Variants in ABL1 observed in about 807,000 individuals in gnomAD.
The protein encoded by ABL1 is ABL proto-oncogene 1, non-receptor tyrosine kinase, also known as tyrosine-protein kinase ABL1.
ABL1 carries 11 observed loss-of-function variants against 94.7 expected under a neutral mutation model. That is an observed-to-expected ratio of 0.12 (90% confidence interval 0.07 to 0.19). The LOEUF (loss-of-function observed/expected upper bound fraction) is 0.19. Among genes scored for constraint, ABL1 ranks in the 10% least tolerant of loss-of-function variants. ABL1 has a pLI of 1.00. For missense variants in ABL1, 1,082 were observed against 1,489.4 expected, an observed-to-expected ratio of 0.73 and a Z score of 4.50; for synonymous variants, 656 against 622.4, an observed-to-expected ratio of 1.05 and a Z score of -0.80.
At chr9:130,809,407 AGAGAGAGAGAGTGTGT>A (rs1206375007) in intron 1 of ABL1, among the ~76,000 whole-genome samples, 2 of 124,054 alleles carry the variant, frequency 1.6e-5, no homozygotes, top group African/African-American at 5.6e-5. Context: ...AGAGAGAGAG[AGAGAGAGAGAGTGTGT>A]GTGTGTGTGT....
At chr9:130,765,816 T>A (rs1832175711) in intron 1 of ABL1, among the ~76,000 whole-genome samples, 1 of 152,182 alleles carries the variant, frequency 6.6e-6, no homozygotes, top group Admixed American at 6.5e-5. Flanking sequence ...TTTGGAAAGT[T>A]ACTGTGAATC....
chr9:130,835,858 G>T lies in ABL1; in HGVS notation c.79+333G>T, dbSNP rs564782027. ...AGCCCCGGTAGAGCCACGCCGGATG[G>T]TGACGGCGGCGTCCGGGGCCCCACA... is the stretch of plus-strand genomic sequence containing the variant. On this transcript the variant is annotated intron_variant, in intron 1 of 10. Transcript: ENST00000318560. The surrounding 1 kb of genome is among the most constrained non-coding windows in gnomAD (Gnocchi z 4.6). Among the ~76,000 whole-genome samples, 1 of 152,350 alleles carries T rather than the reference G, an allele frequency of 6.6e-6. No homozygotes were observed. Among genetic ancestry groups the T allele is most frequent in the African/African-American group, 2.4e-5 (1 of 41,588 alleles).
intron 1 of ABL1, among the ~76,000 whole-genome samples, chr9:130,807,102 A>C (rs1028223251): frequency 1.3e-5 from 2 of 152,040 alleles, no homozygotes; most frequent in Non-Finnish European, 2.9e-5. Flanking sequence ...GTGAGCCGAG[A>C]TCCTGCCACA....
intron 1 of ABL1, among the ~76,000 whole-genome samples, chr9:130,791,258 G>C (rs1007054146): frequency 2.6e-5 from 4 of 152,174 alleles, no homozygotes; most frequent in Non-Finnish European, 1.5e-5. Context: ...TTTCAAAGTA[G>C]GCAGTGAAAA....
At chr9:130,792,464 A>C (rs1477140341) in intron 1 of ABL1, among the ~76,000 whole-genome samples, 2 of 150,912 alleles carry the variant, frequency 1.3e-5, no homozygotes, top group Non-Finnish European at 3.0e-5. Flanking sequence ...CTACTTCCCT[A>C]CCCCTAGTGG....
At chr9:130,850,229 G>C (rs1009333517) in intron 1 of ABL1, among the ~76,000 whole-genome samples, 1 of 152,220 alleles carries the variant, frequency 6.6e-6, no homozygotes, top group Non-Finnish European at 1.5e-5. Flanking sequence ...TGTGAAAAGA[G>C]AATTGTTTCT....
At chr9:130,771,752 CTTT>C (rs57339049) in intron 1 of ABL1, among the ~76,000 whole-genome samples, 10 of 106,896 alleles carry the variant, frequency 9.4e-5, no homozygotes, top group Non-Finnish European at 1.3e-4. Context: ...TTCTTTCTTT[CTTT>C]TTTTTTTTTT....
chr9:130,720,286 C>G (rs1477791474), intron 1 of ABL1, among the ~76,000 whole-genome samples: 1 of 152,046 alleles, frequency 6.6e-6, no homozygotes, highest in Non-Finnish European at 1.5e-5. Flanking sequence ...GAGAAGGGGA[C>G]AGGGAATGGG....
intron 1 of ABL1, among the ~76,000 whole-genome samples, chr9:130,714,692 C>T (rs1406958092): frequency 6.6e-6 from 1 of 152,186 alleles, no homozygotes; most frequent in Non-Finnish European, 1.5e-5. Flanking sequence ...TCTGCTAATT[C>T]ACTGTTGACC....
At chr9:130,754,365 A>G (rs7021173) in intron 1 of ABL1, among the ~76,000 whole-genome samples, 43,830 of 148,628 alleles carry the variant, frequency 0.29, 8,664 homozygotes, top group African/African-American at 0.55. Context: ...AAAATTAGCC[A>G]GGCGTGGTGG....
chr9:130,811,796 C>T (rs1347917335), intron 1 of ABL1, among the ~76,000 whole-genome samples: 1 of 151,140 alleles, frequency 6.6e-6, no homozygotes. Context: ...CCCGTAATCT[C>T]AGCTACTCGG....
intron 1 of ABL1, among the ~76,000 whole-genome samples, chr9:130,795,547 T>A (rs1380666150): frequency 6.6e-6 from 1 of 152,188 alleles, no homozygotes; most frequent in Non-Finnish European, 1.5e-5. Flanking sequence ...AGTGATAACT[T>A]TATTTTGCAA....
chr9:130,786,889 A>G (rs1249632252), intron 1 of ABL1, among the ~76,000 whole-genome samples: 1 of 152,258 alleles, frequency 6.6e-6, no homozygotes, highest in Non-Finnish European at 1.5e-5. Flanking sequence ...GAAGAAAAGT[A>G]TCGGAAAACT....
chr9:130,820,879 A>G (rs949773795), intron 1 of ABL1, among the ~76,000 whole-genome samples: 2 of 152,192 alleles, frequency 1.3e-5, no homozygotes, highest in African/African-American at 4.8e-5. Context: ...GTTCAATTCA[A>G]TGATTTCTAC....
rs779869434 is a variant in ABL1, at chr9:130,884,011, G to A, written c.1721G>A (p.Arg574Gln). ...CCTGCCGTGTCTCCATTGCTCCCTC[G>A]AAAAGAGCGAGGTCCCCCGGAGGGC... ...HEPAVSPLLP[R>Q]KERGPPEGGL... Residue 574 changes from arginine (R) to glutamine (Q), a missense_variant, in exon 11 of 11, where the codon CGA becomes CAA. Transcript: ENST00000318560. The surrounding 1 kb of genome is among the most constrained non-coding windows in gnomAD (Gnocchi z 5.6). The A allele has an allele frequency of 4.3e-6, 7 of 1,613,510 alleles. No homozygotes were observed. The highest frequency in any genetic ancestry group is 1.3e-5 in the African/African-American group (1 of 74,878).
At chr9:130,735,958 TA>T (rs1432164929) in intron 1 of ABL1, among the ~76,000 whole-genome samples, 891 of 70,512 alleles carry the variant, frequency 0.013, 17 homozygotes, top group South Asian at 0.078. Flanking sequence ...TATATATATA[TA>T]TATTTTTTTT....
At position 130,862,962 on chromosome 9, in the gene ABL1, G is replaced by A. The variant is rs121913453; in HGVS notation, c.749G>A (p.Gly250Glu). 6.2e-7 allele frequency: 1 copy of A among 1,614,186 alleles called. No individual in the cohort carries two copies. Among genetic ancestry groups the A allele is most frequent in the Non-Finnish European group, 8.5e-7 (1 of 1,180,018 alleles). The change falls in exon 4 of 11, where the codon GGG (glycine) becomes GAG (glutamate). Residue 250 changes from glycine to glutamate, a missense_variant. Gly to Glu is a moderately conservative substitution (Grantham distance 98, BLOSUM62 -2). This residue lies in a region of ABL1 where 92 missense variants were observed against 212.3 expected (regional missense o/e 0.43). Transcript: ENST00000318560. This position sits in a 1 kb window ranked among gnomAD's most constrained non-coding sequence, Gnocchi z 5.5. ...TDITMKHKLG[G>E]GQYGEVYEGV... The stretch of plus-strand genomic sequence containing the variant: ...ATCACCATGAAGCACAAGCTGGGCG[G>A]GGGCCAGTACGGGGAGGTGTACGAG...
intron 3 of ABL1, among the ~76,000 whole-genome samples, chr9:130,859,000 C>T (rs1298595917): frequency 6.6e-6 from 1 of 152,198 alleles, no homozygotes; most frequent in African/African-American, 2.4e-5. Context: ...CAATACTAAA[C>T]CGAGCCGTTG....
rs929610301 is a variant in ABL1 at position 130,872,794 on chromosome 9, T to G, written c.908-66T>G. On this transcript the variant is annotated intron_variant, in intron 5 of 10. Transcript: ENST00000318560. The surrounding 1 kb of genome is among the most constrained non-coding windows in gnomAD (Gnocchi z 5.0). ...CAGAATCCTTCAGAAGGCTTTTTCTTTAGACAGTTGTTTGTTCAGTTGGGA... is the reference window on the plus strand; with the variant it reads ...CAGAATCCTTCAGAAGGCTTTTTCTGTAGACAGTTGTTTGTTCAGTTGGGA... 1 of 1,510,510 alleles carries G rather than the reference T, an allele frequency of 6.6e-7. No homozygotes were observed. The highest frequency in any genetic ancestry group is 1.4e-5 in the African/African-American group (1 of 71,974). 93.6% of individuals were successfully genotyped at this position (1,510,510 alleles called of 1,614,324 possible).
Sources: gnomAD v4.1 joint callset for allele counts (sites outside exome capture counted in the v4.1 genomes callset) on GRCh38, gnomAD v4.1.1 for gene constraint, gnomAD v4.1.1 regional missense constraint, Gnocchi (gnomAD v3.1) non-coding constraint, MANE v1.5 for transcripts, NCBI Gene and HGNC (gene_info 2026-07-23, HGNC 2026-07-21) for gene names.